Variants in WIPF2 observed in about 807,000 individuals in gnomAD.
WIPF2 encodes WAS/WASL interacting protein family member 2.
WIPF2 carries 23 observed loss-of-function variants against 38.8 expected under a neutral mutation model. That is an observed-to-expected ratio of 0.59 (90% CI 0.43 to 0.84). The LOEUF (loss-of-function observed/expected upper bound fraction) is 0.84, where lower values mean the gene tolerates loss of function less well. Ranked by LOEUF, WIPF2 falls within the 40% of genes least tolerant of loss-of-function variation. The pLI is 0.00. For synonymous variants in WIPF2, 210 were observed against 223.2 expected (o/e 0.94, Z 0.53); for missense variants, 574 against 580.5 (o/e 0.99, Z 0.11).
At chr17:40,226,125 T>C (rs2030471260) in intron 1 of WIPF2, among the ~76,000 whole-genome samples, 1 of 151,410 alleles carries the variant, frequency 6.6e-6, no homozygotes. Flanking sequence ...TCTTTTTTTT[T>C]CCTCCCAATA....
rs2032580256 is a variant in WIPF2 at position 40,282,818 on chromosome 17, C to T, written c.*4593C>T. ...TTCCAGGTCCCTTGAAAAAGTAGAT[C>T]TACTGAATTGGGCAGACTCATCTAT... is the stretch of plus-strand genomic sequence containing the variant. On this transcript the variant is annotated 3_prime_UTR_variant, in exon 8 of 8. Coordinates refer to ENST00000323571, the MANE Select transcript of WIPF2 (RefSeq NM_133264.5). The T allele has an allele frequency of 6.6e-6, 1 of 152,102 alleles. No individual in the cohort carries two copies. Among genetic ancestry groups the T allele is most frequent in the Non-Finnish European group, 1.5e-5 (1 of 68,032 alleles). The allele number at this position is 152,102 out of a possible 1,614,324, so 9.4% of individuals were successfully genotyped here. A position where few individuals can be genotyped will look rare whatever the true frequency, so the allele number is the denominator to read the frequency against.
At chr17:40,221,260 A>G (rs975893462) in intron 1 of WIPF2, among the ~76,000 whole-genome samples, 3 of 152,190 alleles carry the variant, frequency 2.0e-5, no homozygotes, top group Non-Finnish European at 4.4e-5. Context: ...ACAGGGAATA[A>G]GGACAGTTTT....
intron 1 of WIPF2, among the ~76,000 whole-genome samples, chr17:40,240,401 A>G (rs1263425325): frequency 1.3e-5 from 2 of 152,052 alleles, no homozygotes; most frequent in East Asian, 3.9e-4. Flanking sequence ...AGCCCCTTCT[A>G]CACTATCACC....
Position 40,233,697 on chromosome 17 carries a change from T to C in WIPF2, c.-70+14205T>C, listed in dbSNP as rs903242374. ...GCACAAGCCTGTAATCCCAGCACTT[T>C]AGGAGGCCGAGGCCTGAGATTGGGA... On this transcript the variant is annotated intron_variant, in intron 1 of 7. Coordinates refer to ENST00000323571, the MANE Select transcript of WIPF2 (RefSeq NM_133264.5). Among the ~76,000 whole-genome samples, 4 of 152,126 alleles carry C rather than the reference T, an allele frequency of 2.6e-5. No homozygotes were observed. The South Asian group carries it at 6.2e-4, about 24-fold the overall frequency.
In WIPF2 at chr17:40,253,155, C is replaced by T. The variant is rs547782044; in HGVS notation, c.-69-3236C>T. ...TCGGCTTACTGCAAGCTCCGTCTCCCAGGTTCACGCCATTCTCCTGCCTCA... is the reference window on the plus strand; with the variant it reads ...TCGGCTTACTGCAAGCTCCGTCTCCTAGGTTCACGCCATTCTCCTGCCTCA... On this transcript the variant is annotated intron_variant, in intron 1 of 7. Coordinates refer to ENST00000323571, the MANE Select transcript of WIPF2 (RefSeq NM_133264.5). 1.0e-3 allele frequency among the ~76,000 whole-genome samples: 154 copies of T among 149,994 alleles called. 1 individual carries two copies. In the South Asian group the frequency reaches 0.018, roughly 18 times the overall value.
chr17:40,270,978 AG>A (rs1196446350), intron 5 of WIPF2, among the ~76,000 whole-genome samples: 2 of 152,084 alleles, frequency 1.3e-5, no homozygotes, highest in Non-Finnish European at 2.9e-5. Flanking sequence ...AGGAATAATA[AG>A]ATACTCTTTT....
At chr17:40,273,290 C>T (rs898208254) in intron 5 of WIPF2, among the ~76,000 whole-genome samples, 1 of 152,162 alleles carries the variant, frequency 6.6e-6, no homozygotes, top group Non-Finnish European at 1.5e-5. Context: ...CCGCCTCGGC[C>T]TCCCAAAGTG....
At chr17:40,260,442 C>G (rs1201736720) in intron 2 of WIPF2, 93 bp from the exon 3 acceptor site, 1 of 1,473,802 alleles carries the variant, frequency 6.8e-7, no homozygotes, top group African/African-American at 1.4e-5. Context: ...CTGCCTTGGC[C>G]TCCCAAAGTG....
In WIPF2 at chr17:40,265,122, C is replaced by A. The variant is rs1322393705; in HGVS notation, c.946C>A (p.Arg316=). Residue 316 remains arginine, a synonymous_variant, in exon 5 of 8, where the codon CGA becomes AGA. Transcript: ENST00000323571. ...GAGTAATAGGCCACCTCCCCCAGCCCGAGACCCTCCCAGTCGGGGAGCAGG... is the reference window on the plus strand; with the variant it reads ...GAGTAATAGGCCACCTCCCCCAGCCAGAGACCCTCCCAGTCGGGGAGCAGG... The part of the protein sequence containing the change: ...LLSNRPPPPA[R]DPPSRGAAPP... The A allele has an allele frequency of 6.2e-7, 1 of 1,609,798 alleles. No homozygotes were observed. The highest frequency in any genetic ancestry group is 1.1e-5 in the South Asian group (1 of 90,902).
chr17:40,273,174 C>T (rs1023443466), intron 5 of WIPF2, among the ~76,000 whole-genome samples: 14 of 152,242 alleles, frequency 9.2e-5, no homozygotes, highest in Admixed American at 3.3e-4. Context: ...GCTGGGACTA[C>T]AGGCACACGC....
chr17:40,264,338 AAAAAAAAAAAAAAAAG>A (rs1197519954), intron 4 of WIPF2, 136 bp from the exon 5 acceptor site: 2 of 655,634 alleles, frequency 3.1e-6, no homozygotes, highest in Admixed American at 3.2e-5. Flanking sequence ...AAAAAAAAAA[AAAAAAAAAAAAAAAAG>A]AAAAACAAAA....
At chr17:40,250,914 C>CTTTTTTTTTT (rs1020649049) in intron 1 of WIPF2, among the ~76,000 whole-genome samples, 4 of 90,340 alleles carry the variant, frequency 4.4e-5, no homozygotes, top group East Asian at 3.5e-4. Flanking sequence ...CTATTAGATT[C>CTTTTTTTTTT]TTTTTTTTTT....
At chr17:40,257,307 C>T (rs2031758531) in intron 2 of WIPF2, among the ~76,000 whole-genome samples, 3 of 152,060 alleles carry the variant, frequency 2.0e-5, no homozygotes, top group Non-Finnish European at 4.4e-5. Flanking sequence ...TTCTTGCTAC[C>T]ACTTCATCAT....
At position 40,260,687 on chromosome 17, in the gene WIPF2, C is replaced by T. The variant is rs1187046151; in HGVS notation, c.196+20C>T. On this transcript the variant is annotated intron_variant, in intron 3 of 7. Coordinates refer to ENST00000323571, the MANE Select transcript of WIPF2 (RefSeq NM_133264.5). ...TCGAGAGTGAGTCCGAGCTTCATTT[C>T]CTAGTGAACTGGCAGGATCCCAGGA... 5 of 1,613,340 alleles carry T rather than the reference C, an allele frequency of 3.1e-6. No homozygotes were observed. The highest frequency in any genetic ancestry group is 4.2e-6 in the Non-Finnish European group (5 of 1,179,732).
chr17:40,260,819 A>G, intron 3 of WIPF2, 152 bp downstream of exon 3: 1 of 1,076,724 alleles, frequency 9.3e-7, no homozygotes, highest in South Asian at 1.3e-5. Flanking sequence ...TCTGAACCTT[A>G]GAAGTTTCTT....
intron 4 of WIPF2, among the ~76,000 whole-genome samples, chr17:40,263,158 G>T (rs2031967849): frequency 6.6e-6 from 1 of 152,050 alleles, no homozygotes; most frequent in Non-Finnish European, 1.5e-5. Flanking sequence ...GCAGTCCCCA[G>T]TTTTTTTGGC....
At chr17:40,272,406 C>G (rs2091329118) in intron 5 of WIPF2, among the ~76,000 whole-genome samples, 1 of 152,194 alleles carries the variant, frequency 6.6e-6, no homozygotes, top group Non-Finnish European at 1.5e-5. Flanking sequence ...ACAGCTCTGA[C>G]TGATAAACTT....
chr17:40,228,884 A>G (rs1354987997), intron 1 of WIPF2, among the ~76,000 whole-genome samples: 2 of 151,672 alleles, frequency 1.3e-5, no homozygotes, highest in African/African-American at 2.4e-5. Context: ...CCATAATTAC[A>G]GGCATGAGCC....
At chr17:40,259,041 A>G (rs1452881992) in intron 2 of WIPF2, among the ~76,000 whole-genome samples, 1 of 143,624 alleles carries the variant, frequency 7.0e-6, no homozygotes, top group Non-Finnish European at 1.5e-5. Flanking sequence ...AAAAAAAAAA[A>G]GATAAGTTTT....
Sources: gnomAD v4.1 joint callset for allele counts (sites outside exome capture counted in the v4.1 genomes callset) on GRCh38, gnomAD v4.1.1 for gene constraint, MANE v1.5 for transcripts, NCBI Gene and HGNC (gene_info 2026-07-23, HGNC 2026-07-21) for gene names.